Variants in NEXMIF observed in about 807,000 individuals in gnomAD.
NEXMIF encodes neurite extension and migration factor.
Under a neutral mutation model 62.1 loss-of-function variants are expected in NEXMIF, and 8 were observed. The observed-to-expected ratio is 0.13, with a 90% CI of 0.08 to 0.23. NEXMIF has a LOEUF of 0.23. Ranked by LOEUF, NEXMIF falls within the 10% of genes least tolerant of loss-of-function variation. The pLI is 1.00. For synonymous variants in NEXMIF, 404 were observed against 416.6 expected, an observed-to-expected ratio of 0.97 and a Z score of 0.37; for missense variants, 976 against 1,113.3, an observed-to-expected ratio of 0.88 and a Z score of 1.75.
chrX:74,884,482 C>A (rs1281331257), intron 1 of NEXMIF, among the ~76,000 whole-genome samples: 1 of 111,364 alleles, frequency 9.0e-6, no homozygotes, highest in Non-Finnish European at 1.9e-5. Flanking sequence ...CAAAAAAAGG[C>A]AGGGGTTGCA....
chrX:74,741,869 G>T lies in NEXMIF; in HGVS notation c.2688C>A (p.Gly896=), dbSNP rs1171565014. 8.3e-7 allele frequency: 1 copy of T among 1,211,474 alleles called. No individual in the cohort carries two copies. The highest frequency in any genetic ancestry group is 1.1e-6 in the Non-Finnish European group (1 of 895,111). ...AGACTTCAGCCATGAATTCCTGGGT[G>T]CCAGAAGTAGCCTTGTTGGGCCACA... ...RNVWPNKATS[G]TQEFMAEVSR... is the part of the protein sequence containing the mutation. Residue 896 remains glycine, a synonymous_variant, in exon 3 of 4, where the codon GGC becomes GGA. Coordinates refer to ENST00000055682, the MANE Select transcript of NEXMIF (RefSeq NM_001008537.3).
intron 1 of NEXMIF, among the ~76,000 whole-genome samples, chrX:74,899,579 G>T (rs2080742896): frequency 8.9e-6 from 1 of 112,082 alleles, no homozygotes; most frequent in Non-Finnish European, 1.9e-5. Context: ...ACAAATGGAA[G>T]AAAACACAAA....
chrX:74,791,223 T>G (rs1251358020), intron 1 of NEXMIF, among the ~76,000 whole-genome samples: 1 of 111,995 alleles, frequency 8.9e-6, no homozygotes, highest in Non-Finnish European at 1.9e-5. Flanking sequence ...TTTCTGCATC[T>G]ATTGAGATAA....
intron 1 of NEXMIF, among the ~76,000 whole-genome samples, chrX:74,796,133 A>ATT (rs1327465726): frequency 1.3e-5 from 1 of 77,234 alleles, no homozygotes; most frequent in Non-Finnish European, 2.3e-5. Flanking sequence ...ATTTATATAT[A>ATT]ATATATATAT....
intron 1 of NEXMIF, among the ~76,000 whole-genome samples, chrX:74,914,985 TA>T (rs1420320940): frequency 1.8e-5 from 2 of 112,419 alleles, no homozygotes; most frequent in Non-Finnish European, 3.7e-5. Context: ...CTTGAAATGA[TA>T]AAACTTTAGA....
At chrX:74,757,251 C>T (rs1308286236) in intron 1 of NEXMIF, among the ~76,000 whole-genome samples, 1 of 112,278 alleles carries the variant, frequency 8.9e-6, no homozygotes, top group African/African-American at 3.2e-5. Flanking sequence ...AGAGCAGATA[C>T]CGAACATTTT....
chrX:74,849,011 G>C (rs1044567355), intron 1 of NEXMIF, among the ~76,000 whole-genome samples: 1 of 111,899 alleles, frequency 8.9e-6, no homozygotes, highest in Non-Finnish European at 1.9e-5. Context: ...TTGTTTCTAA[G>C]CCAGCCAGTC....
intron 1 of NEXMIF, among the ~76,000 whole-genome samples, chrX:74,768,551 C>T: frequency 8.9e-6 from 1 of 112,115 alleles, no homozygotes. Flanking sequence ...TGGAAAGTAA[C>T]GTGAGGGAGG....
At chrX:74,795,952 T>A (rs1190983346) in intron 1 of NEXMIF, among the ~76,000 whole-genome samples, 3 of 103,217 alleles carry the variant, frequency 2.9e-5, no homozygotes, top group Non-Finnish European at 5.9e-5. Flanking sequence ...ATGTACTGGG[T>A]TTGAACAAGT....
intron 1 of NEXMIF, among the ~76,000 whole-genome samples, chrX:74,833,598 T>A (rs1169175734): frequency 9.0e-6 from 1 of 111,591 alleles, no homozygotes; most frequent in African/African-American, 3.3e-5. Flanking sequence ...TCATAAGTAG[T>A]GATTTATTTC....
chrX:74,885,828 G>A (rs1019887865), intron 1 of NEXMIF, among the ~76,000 whole-genome samples: 14 of 110,809 alleles, frequency 1.3e-4, no homozygotes, highest in African/African-American at 2.3e-4. Flanking sequence ...TACCAAAGCC[G>A]GGCAGAGACA....
chrX:74,807,629 A>G (rs1405139448), intron 1 of NEXMIF, among the ~76,000 whole-genome samples: 3 of 111,405 alleles, frequency 2.7e-5, no homozygotes, highest in African/African-American at 9.8e-5. Context: ...CACCCAGCTA[A>G]TTTTTGTATT....
At chrX:74,763,054 T>G (rs1022187295) in intron 1 of NEXMIF, among the ~76,000 whole-genome samples, 38 of 112,173 alleles carry the variant, frequency 3.4e-4, no homozygotes, top group East Asian at 2.8e-4. Flanking sequence ...GCCTATGTCC[T>G]GAATGGTATT....
chrX:74,789,846 T>C (rs2080273597), intron 1 of NEXMIF, among the ~76,000 whole-genome samples: 1 of 108,115 alleles, frequency 9.2e-6, no homozygotes, highest in Non-Finnish European at 1.9e-5. Context: ...TGTAAATTTG[T>C]TTGAGTTCAT....
Position 74,741,449 on chromosome X carries a change from G to A in NEXMIF, c.3108C>T (p.Ile1036=). 8.3e-7 allele frequency: 1 copy of A among 1,211,615 alleles called. No homozygotes were observed. Among genetic ancestry groups the A allele is most frequent in the Non-Finnish European group, 1.1e-6 (1 of 895,491 alleles). The part of the protein sequence containing the change: ...FLAHCSPKLV[I]QQSIDEIAPL... ...GTGCTATCTCATCAATGCTTTGCTG[G>A]ATCACCAGCTTAGGGCTGCAATGGG... Residue 1036 remains isoleucine, a synonymous_variant, in exon 3 of 4, where the codon ATC becomes ATT. Coordinates refer to ENST00000055682, the MANE Select transcript of NEXMIF (RefSeq NM_001008537.3).
chrX:74,871,890 T>C (rs1356748892), intron 1 of NEXMIF, among the ~76,000 whole-genome samples: 1 of 111,539 alleles, frequency 9.0e-6, no homozygotes, highest in Non-Finnish European at 1.9e-5. Context: ...AACACACATT[T>C]TACAAACAAT....
rs2080082309 is a variant in NEXMIF at position 74,735,294 on chromosome X, TA to T, written c.*4110del. The T allele has an allele frequency of 8.9e-6, 1 of 111,818 alleles. No individual in the cohort carries two copies. Among genetic ancestry groups the T allele is most frequent in the South Asian group, 3.7e-4 (1 of 2,691 alleles). The allele number at this position is 111,818 out of a possible 1,213,427, so 9.2% of individuals were successfully genotyped here. ...CATTCTCCTCTTCAGCATAAAAACT[TA>T]GCTCTCTTCAATTCTTGGAACTGTT... is the stretch of plus-strand genomic sequence containing the variant. On this transcript the variant is annotated 3_prime_UTR_variant, in exon 4 of 4. Coordinates refer to ENST00000055682, the MANE Select transcript of NEXMIF (RefSeq NM_001008537.3).
rs189127500 is a variant in NEXMIF, at chrX:74,858,216, A to C, written c.-48+66667T>G. Among the ~76,000 whole-genome samples, 51 of 112,395 alleles carry C rather than the reference A, an allele frequency of 4.5e-4. No individual in the cohort carries two copies. The East Asian group carries it at 7.9e-3, about 18-fold the overall frequency. On this transcript the variant is annotated intron_variant, in intron 1 of 3. Transcript: ENST00000055682. The stretch of plus-strand genomic sequence containing the variant: ...TTACAGGGGACCTTGGGTGAGACCC[A>C]GTGCTGTGCTGGCTTCAGGTCTGAC...
intron 3 of NEXMIF, 62 bp from the exon 4 acceptor site, chrX:74,739,560 G>T: frequency 1.5e-6 from 1 of 685,223 alleles, no homozygotes; most frequent in Non-Finnish European, 2.2e-6. Flanking sequence ...CCCACAAAGG[G>T]ATCATACAAG....
Sources: allele counts gnomAD v4.1 joint callset (sites outside exome capture counted in the v4.1 genomes callset), GRCh38; gene constraint gnomAD v4.1.1; transcripts MANE v1.5; gene names NCBI Gene and HGNC (gene_info 2026-07-23, HGNC 2026-07-21).